The following XPR1 variants were observed in gnomAD, a reference collection of about 807,000 sequenced individuals.
XPR1 encodes solute carrier family 53 member 1.
Under a neutral mutation model 87.5 loss-of-function variants are expected in XPR1, and 28 were observed. The ratio of observed to expected loss-of-function variants is 0.32; its 90% confidence interval spans 0.24 to 0.44. XPR1 has a LOEUF of 0.44. XPR1 is among the 20% of genes least tolerant of loss of function. The pLI is 1.00. For missense variants in XPR1, 559 were observed against 862.3 expected (o/e 0.65, Z 4.41); for synonymous variants, 300 against 306.1 (o/e 0.98, Z 0.21).
chr1:180,758,779 G>GGCCCCTGCACA (rs58013893), intron 2 of XPR1: 1 of 152,012 alleles, frequency 6.6e-6, no homozygotes, highest in African/African-American at 2.4e-5. Context: ...AGATTAGCAT[G>GGCCCCTGCACA]AGGATGACAC....
Position 180,880,219 on chromosome 1 carries a change from G to C in XPR1, c.1952G>C (p.Gly651Ala). 2 of 1,614,148 alleles carry C rather than the reference G, an allele frequency of 1.2e-6. No homozygotes were observed. Among genetic ancestry groups the C allele is most frequent in the Non-Finnish European group, 8.5e-7 (1 of 1,180,028 alleles). The stretch of plus-strand genomic sequence containing the variant: ...GAACAGATGATGGACCAGGATGATG[G>C]GGTACGAAACCGCCAGAAGAATCGG... The part of the protein sequence containing the change: ...LLEQMMDQDD[G>A]VRNRQKNRSW... Residue 651 changes from glycine (G) to alanine (A), a missense_variant, in exon 14 of 15, where the codon GGG becomes GCG. By Grantham distance (60) the Gly-to-Ala change is moderately conservative. Around this residue, in one of 7 missense-constraint regions of XPR1, gnomAD observed 80 missense variants for 99.5 expected, o/e 0.80. Transcript: ENST00000367590.
At chr1:180,644,147 G>A (rs563870240) in intron 1 of XPR1, among the ~76,000 whole-genome samples, 3 of 152,128 alleles carry the variant, frequency 2.0e-5, no homozygotes, top group Admixed American at 6.6e-5. Context: ...GCTAAAATAC[G>A]TTTTTCCTGT....
intron 13 of XPR1, among the ~76,000 whole-genome samples, chr1:180,879,389 C>G (rs1239912743): frequency 6.6e-6 from 1 of 152,202 alleles, no homozygotes; most frequent in African/African-American, 2.4e-5. Context: ...AAAATTTAAA[C>G]TATGGGTTAT....
intron 10 of XPR1, 97 bp downstream of exon 10, chr1:180,835,142 T>G: frequency 7.7e-7 from 1 of 1,298,716 alleles, no homozygotes; most frequent in Non-Finnish European, 1.0e-6. Flanking sequence ...TGATGAAAAC[T>G]TACCCAATAA....
rs527417849 is a variant in XPR1 at position 180,781,053 on chromosome 1, T to C, written c.122-6700T>C. ...ACTTGTGTTTTCTTCTAAGAGCTCA[T>C]GTAGTTTTAGCTCTTACATTTAGGT... On this transcript the variant is annotated intron_variant, in intron 2 of 14. Coordinates refer to ENST00000367590, the MANE Select transcript of XPR1 (RefSeq NM_004736.4). Among the ~76,000 whole-genome samples, 60 of 152,142 alleles carry C rather than the reference T, an allele frequency of 3.9e-4. 1 individual carries two copies. The highest frequency in any genetic ancestry group is 1.4e-3 in the African/African-American group (59 of 41,558).
At chr1:180,639,227 G>A (rs935572221) in intron 1 of XPR1, among the ~76,000 whole-genome samples, 28 of 152,006 alleles carry the variant, frequency 1.8e-4, no homozygotes, top group African/African-American at 6.8e-4. Flanking sequence ...GGCGGAGGTT[G>A]CAGTGAGCTG....
chr1:180,854,334 C>T (rs1054718533), intron 11 of XPR1, among the ~76,000 whole-genome samples: 2 of 152,196 alleles, frequency 1.3e-5, no homozygotes, highest in Non-Finnish European at 1.5e-5. Flanking sequence ...GGGTTAGCTC[C>T]GCATACATAT....
chr1:180,738,765 A>C (rs76856724), intron 2 of XPR1, among the ~76,000 whole-genome samples: 1,914 of 152,138 alleles, frequency 0.013, 30 homozygotes, highest in African/African-American at 0.044. Flanking sequence ...GAGAGTGCTT[A>C]TATATTCTAG....
rs572419599 is a variant in XPR1, at chr1:180,719,159, A to G, written c.121+36748A>G. Among the ~76,000 whole-genome samples, 23 of 152,378 alleles carry G rather than the reference A, an allele frequency of 1.5e-4. No individual in the cohort carries two copies. In the South Asian group the frequency reaches 4.3e-3, roughly 29 times the overall value. On this transcript the variant is annotated intron_variant, in intron 2 of 14. Coordinates refer to ENST00000367590, the MANE Select transcript of XPR1 (RefSeq NM_004736.4). The stretch of plus-strand genomic sequence containing the variant: ...CATAGAAAACCTGGGATATATAAAT[A>G]CCAAGGAAATGTACAGACATAGATT...
At chr1:180,756,326 C>T (rs4652528) in intron 2 of XPR1, among the ~76,000 whole-genome samples, 52,771 of 152,028 alleles carry the variant, frequency 0.35, 9,567 homozygotes, top group Non-Finnish European at 0.39. Context: ...AAAATTATAG[C>T]CATCCTGGAG....
At chr1:180,760,665 A>G (rs1184295960) in intron 2 of XPR1, among the ~76,000 whole-genome samples, 1 of 152,202 alleles carries the variant, frequency 6.6e-6, no homozygotes, top group Non-Finnish European at 1.5e-5. Flanking sequence ...GGAAGAATCA[A>G]TATCGTGAAA....
At chr1:180,634,562 T>G (rs980047610) in intron 1 of XPR1, among the ~76,000 whole-genome samples, 7 of 152,166 alleles carry the variant, frequency 4.6e-5, no homozygotes, top group African/African-American at 1.7e-4. Flanking sequence ...AAAGGACCTT[T>G]TCATAATGAA....
At chr1:180,739,286 G>A (rs1337149329) in intron 2 of XPR1, among the ~76,000 whole-genome samples, 1 of 152,080 alleles carries the variant, frequency 6.6e-6, no homozygotes, top group African/African-American at 2.4e-5. Flanking sequence ...TCTTAATTAT[G>A]TCTTAAAATT....
At chr1:180,728,100 A>G (rs1377565544) in intron 2 of XPR1, among the ~76,000 whole-genome samples, 1 of 152,148 alleles carries the variant, frequency 6.6e-6, no homozygotes, top group Non-Finnish European at 1.5e-5. Flanking sequence ...GCTCTGGTTC[A>G]CACGCCTCTG....
At chr1:180,745,360 A>AAG (rs1659057510) in intron 2 of XPR1, among the ~76,000 whole-genome samples, 1 of 152,286 alleles carries the variant, frequency 6.6e-6, no homozygotes. Context: ...GAGAGACAGC[A>AAG]AGAGAGAGAG....
chr1:180,699,172 A>G (rs1328039148), intron 2 of XPR1, among the ~76,000 whole-genome samples: 1 of 145,436 alleles, frequency 6.9e-6, no homozygotes, highest in Non-Finnish European at 1.5e-5. Flanking sequence ...AGTGTCCCAT[A>G]TGTCACATAG....
At chr1:180,805,447 A>T (rs958950000) in intron 4 of XPR1, among the ~76,000 whole-genome samples, 5 of 152,242 alleles carry the variant, frequency 3.3e-5, no homozygotes, top group African/African-American at 1.2e-4. Context: ...TACCCATTAT[A>T]AACTGAACCC....
At chr1:180,656,995 G>A (rs1036885096) in intron 1 of XPR1, among the ~76,000 whole-genome samples, 1 of 151,872 alleles carries the variant, frequency 6.6e-6, no homozygotes, top group Non-Finnish European at 1.5e-5. Context: ...ATCCTTGCCA[G>A]CATTTATTAT....
chr1:180,830,183 C>CT (rs1651005468), intron 9 of XPR1, among the ~76,000 whole-genome samples: 1 of 152,166 alleles, frequency 6.6e-6, no homozygotes, highest in African/African-American at 2.4e-5. Flanking sequence ...GGTGCCAGAG[C>CT]TTCTTCGTGC....
Sources: allele counts gnomAD v4.1 joint callset (sites outside exome capture counted in the v4.1 genomes callset), GRCh38; gene constraint gnomAD v4.1.1; regional missense constraint gnomAD v4.1.1; transcripts MANE v1.5; gene names NCBI Gene and HGNC (gene_info 2026-07-23, HGNC 2026-07-21).